Variants in METTL4 observed in about 807,000 individuals in gnomAD.
METTL4 encodes N(6)-adenine-specific methyltransferase METTL4.
Under a neutral mutation model 54.0 loss-of-function variants are expected in METTL4, and 40 were observed. The ratio of observed to expected loss-of-function variants is 0.74; its 90% confidence interval spans 0.58 to 0.96. METTL4 has a LOEUF of 0.96. Ranked by LOEUF, METTL4 falls within the 50% of genes least tolerant of loss-of-function variation. METTL4 has a pLI of 0.00. For synonymous variants in METTL4, 169 were observed against 183.8 expected (o/e 0.92, Z 0.65); for missense variants, 525 against 549.0 (o/e 0.96, Z 0.44).
chr18:2,565,735 C>T (rs748117671), intron 2 of METTL4, among the ~76,000 whole-genome samples: 3 of 152,050 alleles, frequency 2.0e-5, no homozygotes, highest in East Asian at 1.9e-4. Flanking sequence ...AGAGCTCAAA[C>T]GTTTGTTCGG....
intron 1 of METTL4, among the ~76,000 whole-genome samples, chr18:2,570,480 G>A (rs1018890997): frequency 2.1e-4 from 32 of 152,196 alleles, no homozygotes; most frequent in African/African-American, 6.3e-4. Context: ...AAAAGCAAAT[G>A]ATGTTTCCAT....
At chr18:2,551,482 G>A (rs59618159) in intron 5 of METTL4, among the ~76,000 whole-genome samples, 37,251 of 151,814 alleles carry the variant, frequency 0.25, 4,840 homozygotes, top group African/African-American at 0.32. Context: ...CAGGAGGATC[G>A]CTTGAGACTA....
chr18:2,540,343 T>C (rs931576732), intron 8 of METTL4: 15 of 981,862 alleles, frequency 1.5e-5, no homozygotes, highest in Middle Eastern at 5.2e-4. Context: ...GGTTCATAAT[T>C]GCTATGTAAG....
intron 6 of METTL4, among the ~76,000 whole-genome samples, chr18:2,545,702 C>T (rs1418834981): frequency 6.6e-6 from 1 of 152,098 alleles, no homozygotes; most frequent in Non-Finnish European, 1.5e-5. Context: ...ACTCAGTAAT[C>T]AGAAAGTCTT....
chr18:2,540,983 T>G, intron 8 of METTL4: 1 of 928,910 alleles, frequency 1.1e-6, no homozygotes, highest in Non-Finnish European at 1.3e-6. Flanking sequence ...TTATGAGAGT[T>G]TACAATCTAA....
rs188017707 is a variant in METTL4 at position 2,546,568 on chromosome 18, T to G, written c.1074+787A>C. ...TACACAAAGCCATAAAAAGTACAAC[T>G]CCACTGTGTCAAAAATGAGTATGCT... On this transcript the variant is annotated intron_variant, in intron 6 of 8. Transcript: ENST00000574538. Among the ~76,000 whole-genome samples the G allele has an allele frequency of 3.9e-5, 6 of 152,096 alleles. No homozygotes were observed. In the East Asian group the frequency reaches 1.2e-3, roughly 29 times the overall value.
chr18:2,538,803 G>A lies in METTL4; in HGVS notation c.*197C>T. On this transcript the variant is annotated 3_prime_UTR_variant, in exon 9 of 9. Transcript: ENST00000574538. ...AATTTGTATAGTCTAGAATAACATA[G>A]AATGTTAGTGCAACTCAAGTAAAAT... 1 of 574,152 alleles carries A rather than the reference G, an allele frequency of 1.7e-6. No homozygotes were observed. The highest frequency in any genetic ancestry group is 2.9e-5 in the East Asian group (1 of 35,002). The allele number at this position is 574,152 out of a possible 1,614,324, so 35.6% of individuals were successfully genotyped here.
chr18:2,564,833 T>A (rs973455497), intron 2 of METTL4, among the ~76,000 whole-genome samples: 1 of 152,224 alleles, frequency 6.6e-6, no homozygotes, highest in Non-Finnish European at 1.5e-5. Context: ...ACATTAAAAA[T>A]TAATGCCCAT....
intron 6 of METTL4, among the ~76,000 whole-genome samples, chr18:2,545,595 T>C (rs368901918): frequency 3.3e-5 from 5 of 152,200 alleles, no homozygotes; most frequent in African/African-American, 1.2e-4. Context: ...ATTTAAAATA[T>C]CAATTCATTA....
chr18:2,544,764 T>C lies in METTL4; in HGVS notation c.1075-5A>G. The C allele has an allele frequency of 1.3e-6, 2 of 1,595,806 alleles. No homozygotes were observed. Among genetic ancestry groups the C allele is most frequent in the South Asian group, 1.1e-5 (1 of 90,500 alleles). ...AAATTCTCCTGAATTGGTTATCTGA[T>C]AGGAAGGAGCCAACAAAAGAGGGTT... On this transcript the variant is annotated splice_polypyrimidine_tract_variant and splice_region_variant and intron_variant, in intron 6 of 8. Transcript: ENST00000574538.
rs1159425735 is a variant in METTL4 at position 2,538,719 on chromosome 18, A to T, written c.*281T>A. 1.7e-5 allele frequency: 6 copies of T among 352,628 alleles called. No homozygotes were observed. Among genetic ancestry groups the T allele is most frequent in the Non-Finnish European group, 2.1e-5 (4 of 193,736 alleles). 21.8% of individuals were successfully genotyped at this position (352,628 alleles called of 1,614,324 possible). A position where few individuals can be genotyped will look rare whatever the true frequency, so the allele number is the denominator to read the frequency against. ...GATTAAGACCTCTGGTCCACGGTGT[A>T]TGTTTTCTGAACTTTTTCAATAGCA... On this transcript the variant is annotated 3_prime_UTR_variant, in exon 9 of 9. Coordinates refer to ENST00000574538, the MANE Select transcript of METTL4 (RefSeq NM_022840.5).
At chr18:2,560,180 A>G (rs2072295083) in intron 3 of METTL4, among the ~76,000 whole-genome samples, 1 of 152,200 alleles carries the variant, frequency 6.6e-6, no homozygotes, top group Admixed American at 6.5e-5. Flanking sequence ...AACACAACAC[A>G]TCGGAACGTA....
intron 2 of METTL4, among the ~76,000 whole-genome samples, chr18:2,564,636 A>C (rs548150854): frequency 6.6e-6 from 1 of 152,346 alleles, no homozygotes; most frequent in South Asian, 2.1e-4. Context: ...CTGAAACTCC[A>C]GTGCTTACCT....
At chr18:2,552,036 T>C (rs939947029) in intron 5 of METTL4, among the ~76,000 whole-genome samples, 33 of 151,890 alleles carry the variant, frequency 2.2e-4, no homozygotes, top group African/African-American at 7.5e-4. Context: ...CTACTAAAAA[T>C]ACAAAAATTA....
chr18:2,560,592 T>A (rs2252855), intron 3 of METTL4, among the ~76,000 whole-genome samples: 147,817 of 152,308 alleles, frequency 0.97, 71,886 homozygotes, highest in East Asian at 1. Flanking sequence ...TAAAATCCAG[T>A]AGAGGCCGGG....
chr18:2,571,166 A>T lies in METTL4; in HGVS notation c.-456T>A, dbSNP rs2072499406. 1 of 152,458 alleles carries T rather than the reference A, an allele frequency of 6.6e-6. No individual in the cohort carries two copies. The highest frequency in any genetic ancestry group is 2.1e-4 in the South Asian group (1 of 4,832). 9.4% of individuals were successfully genotyped at this position (152,458 alleles called of 1,614,324 possible). ...CACCTCACCTCTTCCCTTGTCAGAA[A>T]AGCGGACGCCGCCTTCCCAGACTCT... is the stretch of plus-strand genomic sequence containing the variant. On this transcript the variant is annotated 5_prime_UTR_variant, in exon 1 of 9. Transcript: ENST00000574538.
At chr18:2,553,759 G>T (rs1284030312) in intron 4 of METTL4, 1 of 152,000 alleles carries the variant, frequency 6.6e-6, no homozygotes, top group Non-Finnish European at 1.5e-5. Flanking sequence ...GTAATCAAAA[G>T]AATGCAAATT....
chr18:2,544,535 T>C (rs2072041692), intron 7 of METTL4, 118 bp downstream of exon 7: 1 of 715,992 alleles, frequency 1.4e-6, no homozygotes, highest in African/African-American at 1.8e-5. Context: ...TTTTCTACAC[T>C]GGACCATTTT....
At chr18:2,558,658 A>G (rs1168319099) in intron 3 of METTL4, among the ~76,000 whole-genome samples, 1 of 152,112 alleles carries the variant, frequency 6.6e-6, no homozygotes, top group African/African-American at 2.4e-5. Context: ...ATAAAATGGA[A>G]AACACAGAGA....
Sources: gnomAD v4.1 joint callset for allele counts (sites outside exome capture counted in the v4.1 genomes callset) on GRCh38, gnomAD v4.1.1 for gene constraint, MANE v1.5 for transcripts, NCBI Gene and HGNC (gene_info 2026-07-23, HGNC 2026-07-21) for gene names.